SEMA6D: variants seen among roughly 807,000 people sequenced by gnomAD.
The protein encoded by SEMA6D is semaphorin-6D.
Under a neutral mutation model 106.6 loss-of-function variants are expected in SEMA6D, and 35 were observed. That is an observed-to-expected ratio of 0.33 (90% confidence interval 0.25 to 0.44). The LOEUF is 0.44. SEMA6D is among the 20% of genes least tolerant of loss of function. SEMA6D has a pLI of 1.00. For synonymous variants in SEMA6D, 499 were observed against 487.7 expected, an observed-to-expected ratio of 1.02 and a Z score of -0.31; for missense variants, 1,185 against 1,345.9, an observed-to-expected ratio of 0.88 and a Z score of 1.87.
chr15:47,329,751 A>G (rs1420380835), intron 1 of SEMA6D, among the ~76,000 whole-genome samples: 6 of 152,188 alleles, frequency 3.9e-5, no homozygotes, highest in Admixed American at 3.9e-4. Context: ...CCACAGACTT[A>G]CCAAATATAT....
intron 3 of SEMA6D, among the ~76,000 whole-genome samples, chr15:47,596,562 T>G (rs116502193): frequency 6.6e-6 from 1 of 152,088 alleles, no homozygotes; most frequent in South Asian, 2.1e-4. Flanking sequence ...TAGAACAACA[T>G]CATATTGGCA....
rs375519299 is a variant in SEMA6D, at chr15:47,761,767, G to A, written c.538+16G>A. The A allele has an allele frequency of 4.2e-5, 66 of 1,574,328 alleles. No homozygotes were observed. Among genetic ancestry groups the A allele is most frequent in the Middle Eastern group, 3.4e-4 (2 of 5,922 alleles). ...CTCTTTGCTGGTAAGATCCTTTAGC[G>A]TAATGAATATAAATGATTAATGACA... is the stretch of plus-strand genomic sequence containing the variant. On this transcript the variant is annotated intron_variant, in intron 7 of 18. Transcript: ENST00000536845.
At position 47,618,962 on chromosome 15, in the gene SEMA6D, A is replaced by C. The variant is rs537338043; in HGVS notation, c.-55+18066A>C. 9.0e-4 allele frequency among the ~76,000 whole-genome samples: 137 copies of C among 152,326 alleles called. 1 individual carries two copies. The highest frequency in any genetic ancestry group is 3.2e-3 in the African/African-American group (135 of 41,568). ...TCTTTATCCATCTGGGTCACTTTCCAGAGGGAGGTAAAGCTGGCATTTCTG... is the reference window on the plus strand; with the variant it reads ...TCTTTATCCATCTGGGTCACTTTCCCGAGGGAGGTAAAGCTGGCATTTCTG... On this transcript the variant is annotated intron_variant, in intron 4 of 19. Transcript: ENST00000558014.
At chr15:47,209,026 A>C (rs1199370423) in intron 1 of SEMA6D, among the ~76,000 whole-genome samples, 4 of 151,290 alleles carry the variant, frequency 2.6e-5, no homozygotes. Flanking sequence ...TCTCCTTTTT[A>C]CTCTTTGAGA....
chr15:47,408,392 T>C (rs1462171647), intron 1 of SEMA6D, among the ~76,000 whole-genome samples: 2 of 152,224 alleles, frequency 1.3e-5, no homozygotes, highest in Non-Finnish European at 2.9e-5. Context: ...CTAACAAAAA[T>C]ATACTTTCCA....
chr15:47,282,214 A>T (rs1457882729), intron 1 of SEMA6D, among the ~76,000 whole-genome samples: 1 of 152,188 alleles, frequency 6.6e-6, no homozygotes, highest in African/African-American at 2.4e-5. Flanking sequence ...CCACTTTGTC[A>T]TGATCCCTAC....
intron 1 of SEMA6D, among the ~76,000 whole-genome samples, chr15:47,361,978 T>C (rs2038827647): frequency 6.6e-6 from 1 of 152,224 alleles, no homozygotes; most frequent in Admixed American, 6.5e-5. Flanking sequence ...TTTAAAAACA[T>C]TAAAACAAAA....
chr15:47,320,141 C>T lies in SEMA6D; in HGVS notation c.-238-92252C>T, dbSNP rs569306819. 2.0e-5 allele frequency among the ~76,000 whole-genome samples: 3 copies of T among 152,222 alleles called. No homozygotes were observed. The East Asian group carries it at 5.8e-4, about 30-fold the overall frequency. ...AGCTCCTTACACCAGAAACCAAAGC[C>T]CTCAAACTTTTTATTCCCTCTGCCT... On this transcript the variant is annotated intron_variant, in intron 1 of 19. Transcript: ENST00000558014.
intron 3 of SEMA6D, among the ~76,000 whole-genome samples, chr15:47,508,292 C>T (rs766040453): frequency 7.2e-5 from 11 of 152,112 alleles, no homozygotes; most frequent in Non-Finnish European, 7.4e-5. Flanking sequence ...CCCCAAAAAA[C>T]GATATAAAAG....
chr15:47,314,184 T>A (rs1266061930), intron 1 of SEMA6D, among the ~76,000 whole-genome samples: 2 of 152,212 alleles, frequency 1.3e-5, no homozygotes, highest in Admixed American at 1.3e-4. Flanking sequence ...TCTGATGACA[T>A]ATGATGTGGA....
intron 3 of SEMA6D, among the ~76,000 whole-genome samples, chr15:47,471,927 TCTCTCACACACACA>T (rs1489072764): frequency 2.9e-4 from 33 of 114,008 alleles, no homozygotes; most frequent in African/African-American, 9.3e-4. Flanking sequence ...TCTCTCTCTC[TCTCTCACACACACA>T]CACACACACA....
At chr15:47,552,904 ATAAATATATATATATT>A (rs1566883179) in intron 3 of SEMA6D, among the ~76,000 whole-genome samples, 4 of 36,026 alleles carry the variant, frequency 1.1e-4, no homozygotes, top group African/African-American at 2.9e-4. Flanking sequence ...ATATATATAT[ATAAATATATATATATT>A]TGAGATGGAG....
intron 4 of SEMA6D, among the ~76,000 whole-genome samples, chr15:47,675,578 A>G (rs1476347796): frequency 1.3e-5 from 2 of 152,228 alleles, no homozygotes; most frequent in African/African-American, 4.8e-5. Context: ...TTGCTATGGT[A>G]GACTTGGCAC....
At chr15:47,720,941 A>G (rs978351284) in intron 1 of SEMA6D, among the ~76,000 whole-genome samples, 1 of 152,212 alleles carries the variant, frequency 6.6e-6, no homozygotes, top group African/African-American at 2.4e-5. Context: ...TTTCCTTGTT[A>G]TATTGCGTGA....
intron 1 of SEMA6D, among the ~76,000 whole-genome samples, chr15:47,218,603 A>G (rs2030888279): frequency 6.6e-6 from 1 of 152,168 alleles, no homozygotes; most frequent in African/African-American, 2.4e-5. Context: ...CACTGCCTTC[A>G]AAGGGTGTGA....
chr15:47,708,107 C>G (rs1282383778), intron 4 of SEMA6D, among the ~76,000 whole-genome samples: 1 of 152,192 alleles, frequency 6.6e-6, no homozygotes, highest in Middle Eastern at 3.2e-3. Context: ...CTTCTCCAAG[C>G]TGTATATCCT....
At chr15:47,518,045 T>G (rs1488145858) in intron 3 of SEMA6D, among the ~76,000 whole-genome samples, 1 of 152,210 alleles carries the variant, frequency 6.6e-6, no homozygotes, top group African/African-American at 2.4e-5. Flanking sequence ...TACTGTGTCC[T>G]GAACTTCTTA....
At chr15:47,330,081 C>A (rs576369461) in intron 1 of SEMA6D, among the ~76,000 whole-genome samples, 1 of 152,196 alleles carries the variant, frequency 6.6e-6, no homozygotes, top group Non-Finnish European at 1.5e-5. Flanking sequence ...CTCTCTCCCA[C>A]CTGGGGATCC....
intron 2 of SEMA6D, among the ~76,000 whole-genome samples, chr15:47,445,909 G>A (rs2042014200): frequency 6.6e-6 from 1 of 152,096 alleles, no homozygotes; most frequent in African/African-American, 2.4e-5. Flanking sequence ...CATCAGCCAT[G>A]TGCTGGCAAC....
Sources: gnomAD v4.1 joint callset for allele counts (sites outside exome capture counted in the v4.1 genomes callset) on GRCh38, gnomAD v4.1.1 for gene constraint, MANE v1.5 for transcripts, NCBI Gene and HGNC (gene_info 2026-07-23, HGNC 2026-07-21) for gene names.